SAMD4A: variants seen among roughly 807,000 people sequenced by gnomAD.
The protein encoded by SAMD4A is protein Smaug homolog 1.
SAMD4A carries 33 observed loss-of-function variants against 81.3 expected under a neutral mutation model. That is an observed-to-expected ratio of 0.41 (90% CI 0.31 to 0.54). SAMD4A has a LOEUF of 0.54. Among genes scored for constraint, SAMD4A ranks in the 20% least tolerant of loss-of-function variants. SAMD4A has a pLI of 0.37. For synonymous variants in SAMD4A, 389 were observed against 382.1 expected, an observed-to-expected ratio of 1.02 and a Z score of -0.21; for missense variants, 854 against 951.1, an observed-to-expected ratio of 0.90 and a Z score of 1.34.
chr14:54,643,543 G>A (rs1402968565), intron 2 of SAMD4A, among the ~76,000 whole-genome samples: 2 of 152,222 alleles, frequency 1.3e-5, no homozygotes, highest in Non-Finnish European at 2.9e-5. Context: ...GTTGTTATCA[G>A]TTCCAGTAAA....
At chr14:54,767,008 G>A (rs974226079) in intron 8 of SAMD4A, among the ~76,000 whole-genome samples, 4 of 152,162 alleles carry the variant, frequency 2.6e-5, no homozygotes, top group Non-Finnish European at 5.9e-5. Context: ...GGGGCCTCTC[G>A]TGGCTGGGGG....
At chr14:54,602,998 G>A (rs1027469862) in intron 2 of SAMD4A, among the ~76,000 whole-genome samples, 1 of 152,168 alleles carries the variant, frequency 6.6e-6, no homozygotes, top group African/African-American at 2.4e-5. Flanking sequence ...GAACCCCCTG[G>A]TGATTTGTTT....
chr14:54,665,444 C>T (rs970147824), intron 2 of SAMD4A, among the ~76,000 whole-genome samples: 1 of 152,182 alleles, frequency 6.6e-6, no homozygotes, highest in Non-Finnish European at 1.5e-5. Context: ...TATTCTAGAG[C>T]ATAAACTAGA....
At chr14:54,659,478 T>C (rs2035592870) in intron 2 of SAMD4A, among the ~76,000 whole-genome samples, 2 of 152,218 alleles carry the variant, frequency 1.3e-5, no homozygotes, top group African/African-American at 4.8e-5. Flanking sequence ...TTTTTGTTTT[T>C]GGTTTCTGAG....
intron 12 of SAMD4A, among the ~76,000 whole-genome samples, chr14:54,786,188 C>T (rs542078744): frequency 1.4e-4 from 22 of 152,280 alleles, no homozygotes; most frequent in Admixed American, 1.3e-3. Context: ...CCAACCTATG[C>T]GATGCAGTGG....
At chr14:54,687,806 A>T (rs887804048) in intron 2 of SAMD4A, among the ~76,000 whole-genome samples, 3 of 152,140 alleles carry the variant, frequency 2.0e-5, no homozygotes, top group Middle Eastern at 3.2e-3. Flanking sequence ...GAGATGTAAA[A>T]TGTTAAATGT....
intron 2 of SAMD4A, among the ~76,000 whole-genome samples, chr14:54,686,449 C>T (rs2036271639): frequency 6.6e-6 from 1 of 151,920 alleles, no homozygotes; most frequent in Non-Finnish European, 1.5e-5. Context: ...TTTTTATTTG[C>T]ATGTGAATCA....
At chr14:54,787,481 C>G (rs1373112179) in intron 12 of SAMD4A, among the ~76,000 whole-genome samples, 2 of 152,228 alleles carry the variant, frequency 1.3e-5, no homozygotes, top group African/African-American at 4.8e-5. Flanking sequence ...ACGCCTGTCA[C>G]TTGGGTCCTC....
intron 3 of SAMD4A, among the ~76,000 whole-genome samples, chr14:54,731,108 C>G (rs1040729850): frequency 6.6e-6 from 1 of 152,138 alleles, no homozygotes; most frequent in Non-Finnish European, 1.5e-5. Flanking sequence ...CTGGAATATC[C>G]CTGAGAAGCA....
At chr14:54,787,645 C>T (rs2039174460) in intron 12 of SAMD4A, among the ~76,000 whole-genome samples, 1 of 152,224 alleles carries the variant, frequency 6.6e-6, no homozygotes, top group African/African-American at 2.4e-5. Context: ...CCTGTCTCAC[C>T]CACATTTAGT....
In SAMD4A at chr14:54,739,055, C is replaced by CTTTTTTTTTTTTTTTTTT. The variant is rs3051648; in HGVS notation, c.979+1770_979+1787dup. 5.5e-4 allele frequency among the ~76,000 whole-genome samples: 54 copies of CTTTTTTTTTTTTTTTTTT among 97,352 alleles called. 4 individuals carry two copies. Among genetic ancestry groups the CTTTTTTTTTTTTTTTTTT allele is most frequent in the African/African-American group, 2.2e-3 (46 of 20,660 alleles). 63.9% of individuals were successfully genotyped at this position (97,352 alleles called of 152,430 possible). On this transcript the variant is annotated intron_variant, in intron 4 of 12. Transcript: ENST00000554335. The stretch of plus-strand genomic sequence containing the variant: ...TACTTTGTTTTCTTTCTTTCCTTTT[C>CTTTTTTTTTTTTTTTTTT]TTTTTTTTTTTTTTTTTTTGAGGCC...
At chr14:54,575,547 A>C (rs1016012928) in intron 2 of SAMD4A, among the ~76,000 whole-genome samples, 2 of 152,180 alleles carry the variant, frequency 1.3e-5, no homozygotes, top group Non-Finnish European at 2.9e-5. Context: ...GACAGACAGG[A>C]CAAGGTGGAC....
intron 2 of SAMD4A, among the ~76,000 whole-genome samples, chr14:54,641,800 G>A (rs114444124): frequency 0.026 from 4,015 of 152,126 alleles, 57 homozygotes; most frequent in Middle Eastern, 0.082. Context: ...GTTTATTGTT[G>A]TTGTTGTTGT....
intron 2 of SAMD4A, among the ~76,000 whole-genome samples, chr14:54,663,625 A>T (rs965670214): frequency 6.6e-6 from 1 of 152,198 alleles, no homozygotes; most frequent in Non-Finnish European, 1.5e-5. Flanking sequence ...AAACTGAGCA[A>T]ACAAAATTAC....
chr14:54,671,651 C>T (rs116157432), intron 2 of SAMD4A, among the ~76,000 whole-genome samples: 1,674 of 152,252 alleles, frequency 0.011, 33 homozygotes, highest in African/African-American at 0.038. Context: ...TTACTGAACA[C>T]GTGGAACGAA....
intron 2 of SAMD4A, chr14:54,693,828 A>G (rs529303237): frequency 1.3e-5 from 2 of 152,450 alleles, no homozygotes; most frequent in African/African-American, 4.8e-5. Context: ...AGCGCTATGG[A>G]AAAAACAAAG....
intron 2 of SAMD4A, among the ~76,000 whole-genome samples, chr14:54,591,961 A>G (rs961144666): frequency 1.3e-5 from 2 of 152,106 alleles, no homozygotes; most frequent in African/African-American, 4.8e-5. Context: ...TGTTTCAGTC[A>G]AAGTGACTTG....
chr14:54,658,691 G>A (rs1397794584), intron 2 of SAMD4A, among the ~76,000 whole-genome samples: 1 of 152,188 alleles, frequency 6.6e-6, no homozygotes, highest in African/African-American at 2.4e-5. Context: ...CTCTGGCTGA[G>A]CACCTTGGAA....
intron 2 of SAMD4A, among the ~76,000 whole-genome samples, chr14:54,639,650 G>A (rs3742562): frequency 0.4 from 61,245 of 151,976 alleles, 12,760 homozygotes; most frequent in South Asian, 0.5. Context: ...CCCATGTTCA[G>A]CCCTGGGGTT....
Sources: gnomAD v4.1 joint callset for allele counts (sites outside exome capture counted in the v4.1 genomes callset) on GRCh38, gnomAD v4.1.1 for gene constraint, MANE v1.5 for transcripts, NCBI Gene and HGNC (gene_info 2026-07-23, HGNC 2026-07-21) for gene names.